PIK3CB: variants seen among roughly 807,000 people sequenced by gnomAD.
PIK3CB encodes phosphatidylinositol-4,5-bisphosphate 3-kinase catalytic subunit beta.
A neutral mutation model predicts 136.8 loss-of-function variants in PIK3CB; 39 were observed. That is an observed-to-expected ratio of 0.29 (90% CI 0.22 to 0.37). The LOEUF is 0.37. Among genes scored for constraint, PIK3CB ranks in the 10% least tolerant of loss-of-function variants. The pLI, the probability that PIK3CB is intolerant of heterozygous loss-of-function variation, is 1.00. For missense variants in PIK3CB, 868 were observed against 1,275.4 expected (o/e 0.68, Z 4.87); for synonymous variants, 428 against 436.6 (o/e 0.98, Z 0.25).
intron 7 of PIK3CB, 48 bp downstream of exon 7, chr3:138,734,586 C>T (rs755312070): frequency 7.2e-7 from 1 of 1,388,046 alleles, no homozygotes; most frequent in South Asian, 1.3e-5. Context: ...TAAACTAACA[C>T]AATCACATGG....
intron 9 of PIK3CB, among the ~76,000 whole-genome samples, chr3:138,713,638 T>G (rs2044550369): frequency 6.6e-6 from 1 of 152,054 alleles, no homozygotes; most frequent in Admixed American, 6.6e-5. Flanking sequence ...GCCATTGCAC[T>G]CCATCCCAGG....
At chr3:138,811,013 G>A (rs1308766435) in intron 1 of PIK3CB, among the ~76,000 whole-genome samples, 1 of 151,890 alleles carries the variant, frequency 6.6e-6, no homozygotes, top group Non-Finnish European at 1.5e-5. Flanking sequence ...CAGATCACAA[G>A]GTCAGGCGTT....
At chr3:138,693,970 A>ATATAT (rs2044078184) in intron 14 of PIK3CB, among the ~76,000 whole-genome samples, 10 of 85,466 alleles carry the variant, frequency 1.2e-4, no homozygotes, top group Non-Finnish European at 2.2e-4. Context: ...TATATATTAT[A>ATATAT]TATATATATA....
intron 2 of PIK3CB, among the ~76,000 whole-genome samples, chr3:138,791,494 C>G (rs1055625237): frequency 1.4e-4 from 21 of 152,072 alleles, no homozygotes; most frequent in African/African-American, 4.8e-4. Flanking sequence ...CTTTCACTTC[C>G]CACCACAACC....
rs1382110566 is a variant in PIK3CB at position 138,734,741 on chromosome 3, T to C, written c.865A>G (p.Ile289Val). The change falls in exon 7 of 24, where the codon ATC (isoleucine) becomes GTC (valine). Residue 289 changes from isoleucine (I) to valine (V), a missense_variant. Physicochemically the swap from Ile to Val is conservative, Grantham distance 29 (BLOSUM62 3). Coordinates refer to ENST00000674063, the MANE Select transcript of PIK3CB (RefSeq NM_006219.3). ...PHFILVECCKIKKMYEQEMIA... is the reference protein window; with the variant it reads ...PHFILVECCKVKKMYEQEMIA... Reference sequence around the variant, plus strand: ...ATTTCTTGTTCATACATTTTCTTGATCTTGCAGCATTCCACAAGTATAAAA... The same window carrying C: ...ATTTCTTGTTCATACATTTTCTTGACCTTGCAGCATTCCACAAGTATAAAA... 6.2e-7 allele frequency: 1 copy of C among 1,613,412 alleles called. No homozygotes were observed. The highest frequency in any genetic ancestry group is 8.5e-7 in the Non-Finnish European group (1 of 1,179,616).
chr3:138,655,743 T>C (rs999646481), intron 23 of PIK3CB, among the ~76,000 whole-genome samples: 1 of 152,158 alleles, frequency 6.6e-6, no homozygotes, highest in African/African-American at 2.4e-5. Context: ...AAATAATTTA[T>C]AATTACTGCA....
At chr3:138,832,834 A>AC (rs1341152289) in intron 1 of PIK3CB, among the ~76,000 whole-genome samples, 4 of 145,508 alleles carry the variant, frequency 2.7e-5, no homozygotes, top group Non-Finnish European at 4.5e-5. Context: ...CCGTCTCAAA[A>AC]AAAAAAAAAA....
chr3:138,819,995 A>C (rs905355646), intron 1 of PIK3CB, among the ~76,000 whole-genome samples: 17 of 152,180 alleles, frequency 1.1e-4, no homozygotes, highest in African/African-American at 4.1e-4. Flanking sequence ...CAATCAATAA[A>C]GCCTTCTCAA....
Position 138,815,368 on chromosome 3 carries a change from A to AAAAGAAAAC in PIK3CB, c.-121-18802_-121-18801insGTTTTCTTT, listed in dbSNP as rs1553743730. Among the ~76,000 whole-genome samples, 2 of 105,910 alleles carry AAAAGAAAAC rather than the reference A, an allele frequency of 1.9e-5. 1 individual carries two copies. The highest frequency in any genetic ancestry group is 6.1e-4 in the South Asian group (2 of 3,268). 69.5% of individuals were successfully genotyped at this position (105,910 alleles called of 152,430 possible). On this transcript the variant is annotated intron_variant, in intron 1 of 23. Coordinates refer to ENST00000674063, the MANE Select transcript of PIK3CB (RefSeq NM_006219.3). ...CCACATCCTGTCTCAAAAAAAAAAA[A>AAAAGAAAAC]AAAAAAACTAGTCAAAACCATAACA...
chr3:138,777,466 G>A (rs2045871436), intron 2 of PIK3CB, among the ~76,000 whole-genome samples: 1 of 152,142 alleles, frequency 6.6e-6, no homozygotes, highest in South Asian at 2.1e-4. Context: ...CCAGCTGACT[G>A]CTAGTACCAA....
intron 1 of PIK3CB, among the ~76,000 whole-genome samples, chr3:138,830,903 AAATAATAATAATAATAATAATAAT>A (rs373908245): frequency 5.1e-5 from 7 of 136,974 alleles, no homozygotes; most frequent in African/African-American, 1.6e-4. Context: ...CTCCGTCTCA[AAATAATAATAATAATAATAATAAT>A]AATAATAATA....
intron 1 of PIK3CB, among the ~76,000 whole-genome samples, chr3:138,808,191 C>A (rs1380693189): frequency 6.6e-6 from 1 of 152,102 alleles, no homozygotes; most frequent in Non-Finnish European, 1.5e-5. Flanking sequence ...TTTACCATTT[C>A]TTTTTCTAAC....
At chr3:138,790,892 G>A (rs1246057100) in intron 2 of PIK3CB, among the ~76,000 whole-genome samples, 1 of 150,228 alleles carries the variant, frequency 6.7e-6, no homozygotes, top group Admixed American at 6.6e-5. Context: ...GAACCTGGGA[G>A]GTGGAGGTTG....
chr3:138,724,991 A>C (rs1445334672), intron 8 of PIK3CB, among the ~76,000 whole-genome samples: 1 of 152,102 alleles, frequency 6.6e-6, no homozygotes, highest in Non-Finnish European at 1.5e-5. Context: ...GAAGATAAAA[A>C]GAGGAAAATA....
At chr3:138,678,786 G>A (rs2043701418) in intron 19 of PIK3CB, among the ~76,000 whole-genome samples, 1 of 152,148 alleles carries the variant, frequency 6.6e-6, no homozygotes, top group Non-Finnish European at 1.5e-5. Flanking sequence ...TAATGATAAA[G>A]GAGGGCACAG....
At chr3:138,812,258 G>A (rs115308273) in intron 1 of PIK3CB, among the ~76,000 whole-genome samples, 4,947 of 150,238 alleles carry the variant, frequency 0.033, 82 homozygotes, top group East Asian at 0.056. Context: ...TTTTTGGGGG[G>A]ACAGAGTCTC....
In PIK3CB at chr3:138,826,499, G is replaced by T. The variant is rs202066647; in HGVS notation, c.-122+8196C>A. On this transcript the variant is annotated intron_variant, in intron 1 of 23. Coordinates refer to ENST00000674063, the MANE Select transcript of PIK3CB (RefSeq NM_006219.3). ...GGAGAATGTGTTATGGACCATTTGG[G>T]TTTTTTTTTTTTTTTTTTTTTTGGC... Among the ~76,000 whole-genome samples, 949 of 96,082 alleles carry T rather than the reference G, an allele frequency of 9.9e-3. 53 individuals carry two copies. The highest frequency in any genetic ancestry group is 0.036 in the African/African-American group (892 of 25,034). 63.0% of individuals were successfully genotyped at this position (96,082 alleles called of 152,430 possible).
At chr3:138,808,748 CTCTA>C (rs2046261282) in intron 1 of PIK3CB, among the ~76,000 whole-genome samples, 1 of 151,556 alleles carries the variant, frequency 6.6e-6, no homozygotes, top group African/African-American at 2.4e-5. Context: ...CTCTCTCTCT[CTCTA>C]TATATATATA....
chr3:138,750,524 C>CAGG (rs2045450759), intron 4 of PIK3CB, among the ~76,000 whole-genome samples: 1 of 152,146 alleles, frequency 6.6e-6, no homozygotes, highest in Non-Finnish European at 1.5e-5. Flanking sequence ...ACTGATCTGA[C>CAGG]AGGAGGCGAA....
Sources: gnomAD v4.1 joint callset for allele counts (sites outside exome capture counted in the v4.1 genomes callset) on GRCh38, gnomAD v4.1.1 for gene constraint, MANE v1.5 for transcripts, NCBI Gene and HGNC (gene_info 2026-07-23, HGNC 2026-07-21) for gene names.